C2CD2L: variants seen among roughly 807,000 people sequenced by gnomAD.
C2CD2L encodes the protein phospholipid transfer protein C2CD2L.
C2CD2L carries 24 observed loss-of-function variants against 69.9 expected under a neutral mutation model. That is an observed-to-expected ratio of 0.34 (90% CI 0.25 to 0.48). The LOEUF (loss-of-function observed/expected upper bound fraction) is 0.48, where lower values mean the gene tolerates loss of function less well. Ranked by LOEUF, C2CD2L falls within the 20% of genes least tolerant of loss-of-function variation. The pLI, the probability that C2CD2L is intolerant of heterozygous loss-of-function variation, is 0.99. For missense variants in C2CD2L, 811 were observed against 941.5 expected, an observed-to-expected ratio of 0.86 and a Z score of 1.81; for synonymous variants, 367 against 391.0, an observed-to-expected ratio of 0.94 and a Z score of 0.72.
In C2CD2L at chr11:119,111,138, C is replaced by T; in HGVS notation, c.768C>T (p.Asn256=). Reference sequence around the variant, plus strand: ...GCACCCAGCCAGCCATGATGGTCAACCTCAGGGCTTGCTCTGCCCCAGGAG... The same window carrying T: ...GCACCCAGCCAGCCATGATGGTCAATCTCAGGGCTTGCTCTGCCCCAGGAG... ...IVSTQPAMMV[N]LRACSAPGGL... Residue 256 remains asparagine (N), a synonymous_variant, in exon 5 of 14, where the codon AAC becomes AAT. Coordinates refer to ENST00000648610, the MANE Select transcript of C2CD2L (RefSeq NM_001290474.2). 1.9e-5 allele frequency: 30 copies of T among 1,613,962 alleles called. No homozygotes were observed. The highest frequency in any genetic ancestry group is 2.5e-5 in the Non-Finnish European group (30 of 1,180,012).
At position 119,116,744 on chromosome 11, in the gene C2CD2L, A is replaced by T. The variant is rs1471007315; in HGVS notation, c.*488A>T. On this transcript the variant is annotated 3_prime_UTR_variant, in exon 14 of 14. Transcript: ENST00000648610. ...GGGATGGGGCTCCCACACCTCCCTC[A>T]GGTCCCCACTCAGACCAGCACCAGT... 1 of 165,898 alleles carries T rather than the reference A, an allele frequency of 6.0e-6. No homozygotes were observed. Among genetic ancestry groups the T allele is most frequent in the Non-Finnish European group, 1.3e-5 (1 of 74,468 alleles). The allele number at this position is 165,898 out of a possible 1,614,324, so 10.3% of individuals were successfully genotyped here.
At chr11:119,112,992 C>A in intron 10 of C2CD2L, 118 bp downstream of exon 10, 1 of 779,782 alleles carries the variant, frequency 1.3e-6, no homozygotes, top group Admixed American at 2.8e-5. Flanking sequence ...TTCAGACATT[C>A]CATTCCAGTC....
intron 10 of C2CD2L, chr11:119,113,403 C>A: frequency 1.6e-6 from 1 of 638,926 alleles, no homozygotes; most frequent in Non-Finnish European, 2.6e-6. Flanking sequence ...ACACCTTCAG[C>A]AGGCCCCATG....
At position 119,116,040 on chromosome 11, in the gene C2CD2L, T is replaced by G. The variant is rs1193246617; in HGVS notation, c.1910-5T>G. 6.2e-7 allele frequency: 1 copy of G among 1,603,862 alleles called. No individual in the cohort carries two copies. Among genetic ancestry groups the G allele is most frequent in the African/African-American group, 1.4e-5 (1 of 74,046 alleles). On this transcript the variant is annotated splice_polypyrimidine_tract_variant and splice_region_variant and intron_variant, in intron 13 of 13. Transcript: ENST00000648610. ...TCTGCCTCAGCTTCCCCTCTTCCCC[T>G]GCAGTGAGTTTCCTGCGCAGCGGCA...
At chr11:119,113,463 G>A (rs184973339) in intron 10 of C2CD2L, 148 bp from the exon 11 acceptor site, 1,221 of 1,244,212 alleles carry the variant, frequency 9.8e-4, no homozygotes, top group Non-Finnish European at 1.2e-3. Flanking sequence ...TAGTCCCCAC[G>A]GCATCTTCCT....
chr11:119,115,970 C>A, intron 13 of C2CD2L, 75 bp from the exon 14 acceptor site: 1 of 1,210,706 alleles, frequency 8.3e-7, no homozygotes, highest in Non-Finnish European at 1.2e-6. Context: ...TCCCTCCATT[C>A]TCCATCGTGT....
Position 119,114,333 on chromosome 11 carries a change from C to A in C2CD2L, c.1877C>A (p.Ala626Asp). 6.2e-7 allele frequency: 1 copy of A among 1,614,106 alleles called. No individual in the cohort carries two copies. Reference sequence around the variant, plus strand: ...GAGTCGGAAACGGGGTCCACTGGTGCCCTGGAGACCCGCAGCCTCAAGGAT... The same window carrying A: ...GAGTCGGAAACGGGGTCCACTGGTGACCTGGAGACCCGCAGCCTCAAGGAT... ...DIESETGSTGALETRSLKDHK... is the reference protein window; with the variant it reads ...DIESETGSTGDLETRSLKDHK... Residue 626 changes from alanine (A) to aspartate (D), a missense_variant, in exon 13 of 14, where the codon GCC becomes GAC. Coordinates refer to ENST00000648610, the MANE Select transcript of C2CD2L (RefSeq NM_001290474.2). This position sits in a 1 kb window ranked among gnomAD's most constrained non-coding sequence, Gnocchi z 5.1.
chr11:119,107,969 G>A lies in C2CD2L; in HGVS notation c.228G>A (p.Arg76=). 1 of 1,555,556 alleles carries A rather than the reference G, an allele frequency of 6.4e-7. No individual in the cohort carries two copies. The highest frequency in any genetic ancestry group is 8.6e-7 in the Non-Finnish European group (1 of 1,158,598). ...WRSLLRLRAT[R]AGAAEEPGVR... The stretch of plus-strand genomic sequence containing the variant: ...CGCTGCTGCGGCTGCGGGCGACTCG[G>A]GCTGGCGCCGCCGAGGAGCCAGGAG... Residue 76 remains arginine (R), a synonymous_variant, in exon 1 of 14, where the codon CGG becomes CGA. Coordinates refer to ENST00000648610, the MANE Select transcript of C2CD2L (RefSeq NM_001290474.2). This position sits in a 1 kb window ranked among gnomAD's most constrained non-coding sequence, Gnocchi z 5.4.
At chr11:119,113,462 C>T (rs1483578387) in intron 10 of C2CD2L, 149 bp from the exon 11 acceptor site, 65 of 1,239,220 alleles carry the variant, frequency 5.2e-5, no homozygotes, top group Admixed American at 1.4e-4. Context: ...TTAGTCCCCA[C>T]GGCATCTTCC....
intron 1 of C2CD2L, 48 bp downstream of exon 1, chr11:119,108,143 G>A (rs1484597846): frequency 3.8e-6 from 5 of 1,332,154 alleles, no homozygotes; most frequent in Non-Finnish European, 5.2e-6. Flanking sequence ...TTTCCTTCCA[G>A]GGGAGGGACT....
chr11:119,110,929 C>T lies in C2CD2L; in HGVS notation c.653C>T (p.Thr218Met), dbSNP rs761928272. The T allele has an allele frequency of 9.3e-6, 15 of 1,614,062 alleles. No homozygotes were observed. The highest frequency in any genetic ancestry group is 2.7e-5 in the African/African-American group (2 of 74,930). The change falls in exon 4 of 14, where the codon ACG becomes ATG. Residue 218 changes from threonine to methionine, a missense_variant. By Grantham distance (81) the Thr-to-Met change is moderately conservative. Transcript: ENST00000648610. This position sits in a 1 kb window ranked among gnomAD's most constrained non-coding sequence, Gnocchi z 5.7. ...ACTGATCGCCCAGATCTCAGCCTAA[C>T]GGTGCTTCCCAAGCTTCAGGCCAGG... ...AFTDRPDLSL[T>M]VLPKLQARER... is the part of the protein sequence containing the mutation.
At chr11:119,115,971 T>G in intron 13 of C2CD2L, 74 bp from the exon 14 acceptor site, 1 of 1,218,536 alleles carries the variant, frequency 8.2e-7, no homozygotes, top group Non-Finnish European at 1.2e-6. Flanking sequence ...CCCTCCATTC[T>G]CCATCGTGTC....
chr11:119,111,449 G>T, intron 6 of C2CD2L, 72 bp from the exon 7 acceptor site: 1 of 1,594,638 alleles, frequency 6.3e-7, no homozygotes, highest in East Asian at 2.2e-5. Context: ...TCTGCCAAGG[G>T]TACAGCCTCT....
chr11:119,116,133 C>T lies in C2CD2L; in HGVS notation c.1998C>T (p.Leu666=), dbSNP rs1946884592. The T allele has an allele frequency of 6.2e-7, 1 of 1,614,228 alleles. No individual in the cohort carries two copies. Among genetic ancestry groups the T allele is most frequent in the Non-Finnish European group, 8.5e-7 (1 of 1,180,040 alleles). ...GCCTGAGCCAATCACACGATGACCTCTCCAACGCAACGGCCACGCCCAGTG... is the reference window on the plus strand; with the variant it reads ...GCCTGAGCCAATCACACGATGACCTTTCCAACGCAACGGCCACGCCCAGTG... The part of the protein sequence containing the change: ...EAGLSQSHDD[L]SNATATPSVR... Residue 666 remains leucine, a synonymous_variant, in exon 14 of 14, where the codon CTC becomes CTT. Coordinates refer to ENST00000648610, the MANE Select transcript of C2CD2L (RefSeq NM_001290474.2).
Position 119,111,045 on chromosome 11 carries a change from T to C in C2CD2L, c.682-7T>C. On this transcript the variant is annotated splice_region_variant and splice_polypyrimidine_tract_variant and intron_variant, in intron 4 of 13. Coordinates refer to ENST00000648610, the MANE Select transcript of C2CD2L (RefSeq NM_001290474.2). ...ACCTCCTTGTTGTTCCCTTCTTCTC[T>C]CTGCAGAGAGGTGAAGAACAAGTGG... The C allele has an allele frequency of 6.2e-7, 1 of 1,613,716 alleles. No individual in the cohort carries two copies. Among genetic ancestry groups the C allele is most frequent in the South Asian group, 1.1e-5 (1 of 91,062 alleles).
chr11:119,110,947 A>C lies in C2CD2L; in HGVS notation c.671A>C (p.Gln224Pro). The change falls in exon 4 of 14, where the codon CAG becomes CCG. Residue 224 changes from glutamine to proline, a missense_variant. Physicochemically the swap from Gln to Pro is moderately conservative, Grantham distance 76. Coordinates refer to ENST00000648610, the MANE Select transcript of C2CD2L (RefSeq NM_001290474.2). The surrounding 1 kb of genome is among the most constrained non-coding windows in gnomAD (Gnocchi z 5.7). ...AGCCTAACGGTGCTTCCCAAGCTTC[A>C]GGCCAGGGAGGTAAGGAGGCAGAGC... is the stretch of plus-strand genomic sequence containing the variant. Reference protein sequence around the residue: ...DLSLTVLPKLQARERGEEQVE... With the variant: ...DLSLTVLPKLPARERGEEQVE... 1.2e-6 allele frequency: 2 copies of C among 1,614,134 alleles called. No homozygotes were observed. The highest frequency in any genetic ancestry group is 1.7e-6 in the Non-Finnish European group (2 of 1,179,984).
rs1946704227 is a variant in C2CD2L at position 119,110,487 on chromosome 11, C to T, written c.451-74C>T. On this transcript the variant is annotated intron_variant, in intron 2 of 13. Coordinates refer to ENST00000648610, the MANE Select transcript of C2CD2L (RefSeq NM_001290474.2). The surrounding 1 kb of genome is among the most constrained non-coding windows in gnomAD (Gnocchi z 5.7). ...GAAAACGGAAGTGGGGAGGGGTCTG[C>T]TGAACTATTACAGGGCAGTTCAAAG... The T allele has an allele frequency of 1.3e-6, 2 of 1,516,368 alleles. No individual in the cohort carries two copies. The highest frequency in any genetic ancestry group is 1.8e-6 in the Non-Finnish European group (2 of 1,129,532). The allele number at this position is 1,516,368 out of a possible 1,614,324, so 93.9% of individuals were successfully genotyped here.
chr11:119,111,350 T>A lies in C2CD2L; in HGVS notation c.886T>A (p.Ser296Thr). 1.9e-6 allele frequency: 3 copies of A among 1,614,154 alleles called. No individual in the cohort carries two copies. Among genetic ancestry groups the A allele is most frequent in the Non-Finnish European group, 2.5e-6 (3 of 1,180,016 alleles). ...GTTATTCCTACGGCAGCTTCGGGCA[T>A]CTCACTTGGGAAATGAGCTGGAAGG... Reference protein sequence around the residue: ...NRLFLRQLRASHLGNELEGTE... With the variant: ...NRLFLRQLRATHLGNELEGTE... The change falls in exon 6 of 14, where the codon TCT becomes ACT. Residue 296 changes from serine (S) to threonine (T), a missense_variant. Ser to Thr is a moderately conservative substitution (Grantham distance 58). Transcript: ENST00000648610.
At position 119,111,655 on chromosome 11, in the gene C2CD2L, C is replaced by T. The variant is rs1009251798; in HGVS notation, c.1019+26C>T. 5 of 1,503,664 alleles carry T rather than the reference C, an allele frequency of 3.3e-6. No individual in the cohort carries two copies. The African/African-American group carries it at 5.5e-5, about 17-fold the overall frequency. The allele number at this position is 1,503,664 out of a possible 1,614,324, so 93.1% of individuals were successfully genotyped here. A position where few individuals can be genotyped will look rare whatever the true frequency, so the allele number is the denominator to read the frequency against. On this transcript the variant is annotated intron_variant, in intron 7 of 13. Coordinates refer to ENST00000648610, the MANE Select transcript of C2CD2L (RefSeq NM_001290474.2). The stretch of plus-strand genomic sequence containing the variant: ...GTAAGGAGTAACCCTGCCCCGACCC[C>T]ATGCTCCAGAGCAGAGAGGATCAAA...
Sources: allele counts gnomAD v4.1 joint callset, GRCh38; gene constraint gnomAD v4.1.1; non-coding constraint Gnocchi (gnomAD v3.1); transcripts MANE v1.5; gene names NCBI Gene and HGNC (gene_info 2026-07-23, HGNC 2026-07-21).